GABRA6: variants seen among roughly 807,000 people sequenced by gnomAD.
GABRA6 encodes gamma-aminobutyric acid receptor subunit alpha-6.
GABRA6 carries 45 observed loss-of-function variants against 47.3 expected under a neutral mutation model. The observed-to-expected ratio is 0.95, with a 90% CI of 0.75 to 1.22. The LOEUF is 1.22. Ranked by LOEUF, GABRA6 falls within the 50% of genes most tolerant of loss-of-function variation. GABRA6 has a pLI of 0.00. For missense variants in GABRA6, 583 were observed against 549.3 expected (o/e 1.06, Z -0.61); for synonymous variants, 219 against 194.7 (o/e 1.12, Z -1.04).
chr5:161,700,427 C>T (rs574150414), intron 8 of GABRA6, among the ~76,000 whole-genome samples: 2 of 152,042 alleles, frequency 1.3e-5, no homozygotes, highest in Admixed American at 6.6e-5. Flanking sequence ...AGGATGCAGA[C>T]AAGAAAAGAT....
chr5:161,692,148 C>T lies in GABRA6; in HGVS notation c.1034C>T (p.Pro345Leu), dbSNP rs202216005. 3 of 1,614,152 alleles carry T rather than the reference C, an allele frequency of 1.9e-6. No individual in the cohort carries two copies. Among genetic ancestry groups the T allele is most frequent in the East Asian group, 2.2e-5 (1 of 44,888 alleles). ...AKRKAQFAAP[P>L]TVTISKATEP... is the part of the protein sequence containing the mutation. ...AGGAAGGCACAGTTTGCAGCCCCAC[C>T]CACAGTGACAATATCAAAAGCTACT... Residue 345 changes from proline (P) to leucine (L), a missense_variant, in exon 8 of 9, where the codon CCC (proline) becomes CTC (leucine). Physicochemically the swap from Pro to Leu is moderately conservative, Grantham distance 98 (BLOSUM62 -3). Transcript: ENST00000274545.
rs1295021896 is a variant in GABRA6 at position 161,702,576 on chromosome 5, A to G, written c.*803A>G. The stretch of plus-strand genomic sequence containing the variant: ...ACATTTCCAATTATAACACTAAATA[A>G]AACAACAATAAACATGGTTCTCTGG... On this transcript the variant is annotated 3_prime_UTR_variant, in exon 9 of 9. Coordinates refer to ENST00000274545, the MANE Select transcript of GABRA6 (RefSeq NM_000811.3). 6.6e-6 allele frequency: 1 copy of G among 152,156 alleles called. No homozygotes were observed. The highest frequency in any genetic ancestry group is 2.4e-5 in the African/African-American group (1 of 41,448). 9.4% of individuals were successfully genotyped at this position (152,156 alleles called of 1,614,324 possible). A position where few individuals can be genotyped will look rare whatever the true frequency, so the allele number is the denominator to read the frequency against.
chr5:161,687,040 C>T (rs201704854), intron 3 of GABRA6, 37 bp downstream of exon 3: 33 of 1,572,816 alleles, frequency 2.1e-5, no homozygotes, highest in East Asian at 1.8e-4. Context: ...GTTTTCATTT[C>T]GGGGAGGAGA....
chr5:161,697,873 C>A (rs146009447), intron 8 of GABRA6, among the ~76,000 whole-genome samples: 1 of 152,120 alleles, frequency 6.6e-6, no homozygotes, highest in African/African-American at 2.4e-5. Flanking sequence ...CTTAAGCCTA[C>A]GTTTGCTCAT....
At chr5:161,688,523 T>G (rs1754735437) in intron 3 of GABRA6, among the ~76,000 whole-genome samples, 1 of 152,180 alleles carries the variant, frequency 6.6e-6, no homozygotes, top group Non-Finnish European at 1.5e-5. Flanking sequence ...TGAATGGTAC[T>G]CTGAAGCTCT....
intron 6 of GABRA6, 59 bp downstream of exon 6, chr5:161,689,838 C>T: frequency 1.3e-6 from 2 of 1,493,434 alleles, no homozygotes; most frequent in South Asian, 1.1e-5. Context: ...TGCACATTTT[C>T]AAAATATCTA....
chr5:161,686,251 A>G lies in GABRA6; in HGVS notation c.60A>G (p.Lys20=), dbSNP rs112717732. ...ACAGGCTAGAAAATGCCCTAGGGAAACTCGAAGTTGAAGGCAACTTCTACT... is the reference window on the plus strand; with the variant it reads ...ACAGGCTAGAAAATGCCCTAGGGAAGCTCGAAGTTGAAGGCAACTTCTACT... ...IILWLENALG[K]LEVEGNFYSE... Residue 20 remains lysine, a synonymous_variant, in exon 2 of 9, where the codon AAA becomes AAG. Coordinates refer to ENST00000274545, the MANE Select transcript of GABRA6 (RefSeq NM_000811.3). 2.5e-4 allele frequency: 399 copies of G among 1,613,798 alleles called. 2 individuals are homozygous for G. In the African/African-American group the frequency reaches 2.8e-3, roughly 11 times the overall value.
chr5:161,688,900 C>T, intron 3 of GABRA6, 49 bp from the exon 4 acceptor site: 2 of 1,521,070 alleles, frequency 1.3e-6, no homozygotes, highest in Non-Finnish European at 1.8e-6. Context: ...ATAAACTATT[C>T]TTAGCAAACT....
At chr5:161,698,029 G>T (rs1754915300) in intron 8 of GABRA6, among the ~76,000 whole-genome samples, 1 of 152,134 alleles carries the variant, frequency 6.6e-6, no homozygotes, top group Non-Finnish European at 1.5e-5. Context: ...AAAATACAAT[G>T]TAACATAATC....
At position 161,685,771 on chromosome 5, in the gene GABRA6, C is replaced by A; in HGVS notation, c.-219C>A. 4 of 611,646 alleles carry A rather than the reference C, an allele frequency of 6.5e-6. No homozygotes were observed. Among genetic ancestry groups the A allele is most frequent in the Non-Finnish European group, 1.2e-5 (4 of 343,240 alleles). The allele number at this position is 611,646 out of a possible 1,614,324, so 37.9% of individuals were successfully genotyped here. A position where few individuals can be genotyped will look rare whatever the true frequency, so the allele number is the denominator to read the frequency against. ...GGACATAATCTAAGACCACAAACCACCTTGTTCCACGTGAGAAGGAAACAA... is the reference window on the plus strand; with the variant it reads ...GGACATAATCTAAGACCACAAACCAACTTGTTCCACGTGAGAAGGAAACAA... On this transcript the variant is annotated 5_prime_UTR_variant, in exon 1 of 9. Transcript: ENST00000274545.
intron 8 of GABRA6, among the ~76,000 whole-genome samples, chr5:161,694,689 A>G (rs752806296): frequency 6.6e-6 from 1 of 152,104 alleles, no homozygotes; most frequent in African/African-American, 2.4e-5. Flanking sequence ...GAAAAATTAT[A>G]TTTCTGAACC....
chr5:161,700,454 C>G (rs926659223), intron 8 of GABRA6, among the ~76,000 whole-genome samples: 4 of 152,134 alleles, frequency 2.6e-5, no homozygotes, highest in Non-Finnish European at 4.4e-5. Context: ...CAGAGGAGGG[C>G]CCCCTAGACA....
intron 8 of GABRA6, among the ~76,000 whole-genome samples, chr5:161,693,878 AGAGACT>A (rs1754845177): frequency 6.6e-6 from 1 of 152,194 alleles, no homozygotes; most frequent in African/African-American, 2.4e-5. Flanking sequence ...ACAATATTAC[AGAGACT>A]GAGGCCACCC....
At chr5:161,691,376 G>A (rs866995723) in intron 7 of GABRA6, among the ~76,000 whole-genome samples, 3 of 139,208 alleles carry the variant, frequency 2.2e-5, no homozygotes, top group Admixed American at 1.6e-4. Context: ...GCTCACTGCA[G>A]GCTCCGCCTC....
At chr5:161,689,427 T>C (rs1490247577) in intron 5 of GABRA6, 91 bp downstream of exon 5, 2 of 1,191,818 alleles carry the variant, frequency 1.7e-6, no homozygotes, top group Non-Finnish European at 2.5e-6. Flanking sequence ...AAGGAAGAAA[T>C]AGAATCATGA....
At chr5:161,687,395 T>C in intron 3 of GABRA6, 2 of 408,132 alleles carry the variant, frequency 4.9e-6, no homozygotes, top group Admixed American at 6.2e-5. Context: ...AAAGCATAAT[T>C]GTCTTTTGTG....
Position 161,689,296 on chromosome 5 carries a change from T to C in GABRA6, c.489T>C (p.Phe163=). 1 of 1,614,074 alleles carries C rather than the reference T, an allele frequency of 6.2e-7. No individual in the cohort carries two copies. Among genetic ancestry groups the C allele is most frequent in the South Asian group, 1.1e-5 (1 of 91,086 alleles). The change falls in exon 5 of 9, where the codon TTT becomes TTC. Residue 163 remains phenylalanine, a synonymous_variant. Transcript: ENST00000274545. The part of the protein sequence containing the change: ...NADCPMRLVN[F]PMDGHACPLK... Reference sequence around the variant, plus strand: ...ACTGTCCCATGAGGCTGGTTAACTTTCCTATGGATGGGCATGCTTGTCCAC... The same window carrying C: ...ACTGTCCCATGAGGCTGGTTAACTTCCCTATGGATGGGCATGCTTGTCCAC...
intron 7 of GABRA6, 124 bp downstream of exon 7, chr5:161,690,477 T>A: frequency 1.0e-6 from 1 of 982,412 alleles, no homozygotes; most frequent in African/African-American, 1.6e-5. Context: ...TCCTGTCTCA[T>A]CCAGACATAT....
chr5:161,700,818 G>A (rs1754965757), intron 8 of GABRA6, among the ~76,000 whole-genome samples: 1 of 152,158 alleles, frequency 6.6e-6, no homozygotes, highest in Non-Finnish European at 1.5e-5. Context: ...GTTCTGAGCG[G>A]GAAGTAAGGA....
Sources: gnomAD v4.1 joint callset for allele counts (sites outside exome capture counted in the v4.1 genomes callset) on GRCh38, gnomAD v4.1.1 for gene constraint, MANE v1.5 for transcripts, NCBI Gene and HGNC (gene_info 2026-07-23, HGNC 2026-07-21) for gene names.